The following SETBP1 variants were observed in gnomAD, a reference collection of about 807,000 sequenced individuals.
The protein encoded by SETBP1 is SET-binding protein.
In SETBP1, 9 loss-of-function variants were observed where a neutral mutation model predicts 101.0. The ratio of observed to expected loss-of-function variants is 0.09; its 90% CI spans 0.05 to 0.16. The LOEUF is 0.16. Among genes scored for constraint, SETBP1 ranks in the 10% least tolerant of loss-of-function variants. SETBP1 has a pLI of 1.00. For missense variants in SETBP1, 1,858 were observed against 2,033.8 expected, an observed-to-expected ratio of 0.91 and a Z score of 1.66; for synonymous variants, 818 against 788.5, an observed-to-expected ratio of 1.04 and a Z score of -0.63.
At chr18:44,818,461 T>A (rs2072030518) in intron 2 of SETBP1, among the ~76,000 whole-genome samples, 1 of 152,128 alleles carries the variant, frequency 6.6e-6, no homozygotes, top group Non-Finnish European at 1.5e-5. Flanking sequence ...ACATGGGAAC[T>A]CCTTGGGTTT....
chr18:44,863,922 C>T (rs2069072028), intron 2 of SETBP1, among the ~76,000 whole-genome samples: 1 of 152,090 alleles, frequency 6.6e-6, no homozygotes, highest in Admixed American at 6.5e-5. Flanking sequence ...ATCCTTCTGG[C>T]CAGATGTTCA....
At chr18:44,918,652 C>T (rs1006328049) in intron 3 of SETBP1, among the ~76,000 whole-genome samples, 1 of 152,230 alleles carries the variant, frequency 6.6e-6, no homozygotes, top group Non-Finnish European at 1.5e-5. Flanking sequence ...TCCTTTCCAA[C>T]TGTGAATGTT....
intron 2 of SETBP1, among the ~76,000 whole-genome samples, chr18:44,785,762 G>T (rs965664850): frequency 3.9e-5 from 6 of 152,152 alleles, no homozygotes; most frequent in African/African-American, 1.4e-4. Flanking sequence ...GGCGTTTCAG[G>T]TTAGGGCCAA....
chr18:45,019,354 TA>T (rs142547703), intron 4 of SETBP1, among the ~76,000 whole-genome samples: 10,097 of 152,278 alleles, frequency 0.066, 432 homozygotes, highest in South Asian at 0.17. Context: ...AAATAAAAAT[TA>T]TATATATTTA....
Position 44,951,295 on chromosome 18 carries a change from T to C in SETBP1, c.1955T>C (p.Val652Ala). 1.9e-6 allele frequency: 3 copies of C among 1,613,500 alleles called. No individual in the cohort carries two copies. The highest frequency in any genetic ancestry group is 3.3e-4 in the Middle Eastern group (2 of 6,062). ...AGCGAGATGAAATTTCACAAGAAAG[T>C]TGGAAAGCTCGGCGTGTTGGATAAG... is the stretch of plus-strand genomic sequence containing the variant. ...PMSEMKFHKKVGKLGVLDKKT... is the reference protein window; with the variant it reads ...PMSEMKFHKKAGKLGVLDKKT... Residue 652 changes from valine to alanine, a missense_variant, in exon 4 of 6, where the codon GTT becomes GCT. Transcript: ENST00000649279. The surrounding 1 kb of genome is among the most constrained non-coding windows in gnomAD (Gnocchi z 7.8).
intron 3 of SETBP1, among the ~76,000 whole-genome samples, chr18:44,935,355 T>C (rs147172692): frequency 1.7e-3 from 258 of 152,314 alleles, no homozygotes; most frequent in African/African-American, 5.8e-3. Flanking sequence ...AAGGGAAACA[T>C]GCGGTAAAGA....
chr18:44,943,432 T>C (rs925575662), intron 3 of SETBP1, among the ~76,000 whole-genome samples: 4 of 152,228 alleles, frequency 2.6e-5, no homozygotes, highest in African/African-American at 7.2e-5. Context: ...CATCTCTTGA[T>C]AATATCAGAG....
chr18:44,856,865 T>G (rs2072988277), intron 2 of SETBP1, among the ~76,000 whole-genome samples: 1 of 152,226 alleles, frequency 6.6e-6, no homozygotes, highest in African/African-American at 2.4e-5. Context: ...TGGTATTCTT[T>G]TCCACTTTCT....
intron 2 of SETBP1, among the ~76,000 whole-genome samples, chr18:44,775,805 C>A (rs2070990106): frequency 6.6e-6 from 1 of 151,628 alleles, no homozygotes. Flanking sequence ...CTGGAAGAGA[C>A]CTTAAGGGCC....
At chr18:44,736,117 G>C (rs1421838585) in intron 2 of SETBP1, among the ~76,000 whole-genome samples, 1 of 152,192 alleles carries the variant, frequency 6.6e-6, no homozygotes, top group East Asian at 1.9e-4. Context: ...GGGCATAGTG[G>C]CTCATGCCTG....
upstream of SETBP1, chr18:44,680,843 G>T (rs1232473140): frequency 1.3e-5 from 2 of 148,406 alleles, no homozygotes; most frequent in Admixed American, 6.7e-5. Flanking sequence ...AGGGGGAGGG[G>T]GTAAGGAAAG....
chr18:44,905,325 G>A (rs1197315051), intron 3 of SETBP1, among the ~76,000 whole-genome samples: 1 of 152,188 alleles, frequency 6.6e-6, no homozygotes, highest in South Asian at 2.1e-4. Flanking sequence ...ATTGCTAAAA[G>A]CCTTTTAGAA....
intron 2 of SETBP1, among the ~76,000 whole-genome samples, chr18:44,820,379 A>G (rs8083468): frequency 0.046 from 6,946 of 152,274 alleles, 517 homozygotes; most frequent in African/African-American, 0.15. Flanking sequence ...TTGACTGGGT[A>G]CTTTCCTGGC....
chr18:44,826,925 C>T (rs1227411239), intron 2 of SETBP1, among the ~76,000 whole-genome samples: 2 of 152,086 alleles, frequency 1.3e-5, no homozygotes, highest in Non-Finnish European at 2.9e-5. Flanking sequence ...GCTTTGGGCC[C>T]ACAAAAGGGC....
chr18:44,741,688 G>A (rs1384760515), intron 2 of SETBP1, among the ~76,000 whole-genome samples: 1 of 152,120 alleles, frequency 6.6e-6, no homozygotes, highest in Non-Finnish European at 1.5e-5. Context: ...GGGTGGGAGA[G>A]CAAGGGAGCT....
At position 44,947,414 on chromosome 18, in the gene SETBP1, T is replaced by G. The variant is rs1039693360; in HGVS notation, c.541-2467T>G. On this transcript the variant is annotated intron_variant, in intron 3 of 5. Coordinates refer to ENST00000649279, the MANE Select transcript of SETBP1 (RefSeq NM_015559.3). The stretch of plus-strand genomic sequence containing the variant: ...GTGCCCAGAACTAGAAAAGTGATGG[T>G]GGTAGAGGTGGGAAAAAAAGAAGGC... Among the ~76,000 whole-genome samples the G allele has an allele frequency of 3.3e-5, 5 of 149,516 alleles. No homozygotes were observed. In the East Asian group the frequency reaches 7.9e-4, roughly 24 times the overall value.
At chr18:44,917,152 C>A (rs571638768) in intron 3 of SETBP1, among the ~76,000 whole-genome samples, 4 of 152,336 alleles carry the variant, frequency 2.6e-5, no homozygotes, top group Admixed American at 2.6e-4. Flanking sequence ...GGAAAGGACA[C>A]CCTTCTCAAC....
chr18:45,026,737 G>T (rs560235223), intron 4 of SETBP1, among the ~76,000 whole-genome samples: 1 of 152,208 alleles, frequency 6.6e-6, no homozygotes, highest in African/African-American at 2.4e-5. Flanking sequence ...TTTAAAGCAT[G>T]GTTGCAATTA....
At chr18:44,939,381 A>G (rs1247108705) in intron 3 of SETBP1, among the ~76,000 whole-genome samples, 1 of 151,626 alleles carries the variant, frequency 6.6e-6, no homozygotes, top group Non-Finnish European at 1.5e-5. Flanking sequence ...TTGGCTCAGC[A>G]TGATTATGTG....
Sources: allele counts gnomAD v4.1 joint callset (sites outside exome capture counted in the v4.1 genomes callset), GRCh38; gene constraint gnomAD v4.1.1; non-coding constraint Gnocchi (gnomAD v3.1); transcripts MANE v1.5; gene names NCBI Gene and HGNC (gene_info 2026-07-23, HGNC 2026-07-21).